Variants in NRXN3 observed in about 807,000 individuals in gnomAD.
NRXN3 encodes neurexin 3.
In NRXN3, 32 loss-of-function variants were observed where a neutral mutation model predicts 137.6. That is an observed-to-expected ratio of 0.23 (90% CI 0.18 to 0.31). NRXN3 has a LOEUF of 0.31. Ranked by LOEUF, NRXN3 falls within the 10% of genes least tolerant of loss-of-function variation. NRXN3 has a pLI of 1.00. For missense variants in NRXN3, 1,574 were observed against 2,062.5 expected (o/e 0.76, Z 4.59); for synonymous variants, 798 against 784.5 (o/e 1.02, Z -0.29).
chr14:78,989,957 T>G (rs2099515175), intron 15 of NRXN3, among the ~76,000 whole-genome samples: 1 of 152,334 alleles, frequency 6.6e-6, no homozygotes, highest in Middle Eastern at 3.4e-3. Flanking sequence ...GGCATTATTT[T>G]CTGGTAAAAA....
chr14:78,411,015 A>G (rs1326565206), intron 4 of NRXN3, among the ~76,000 whole-genome samples: 3 of 152,222 alleles, frequency 2.0e-5, no homozygotes, highest in Non-Finnish European at 2.9e-5. Context: ...TAGATTTCAT[A>G]ATCTGTAAAT....
At chr14:79,729,871 T>A (rs2098915454) in intron 19 of NRXN3, among the ~76,000 whole-genome samples, 1 of 152,148 alleles carries the variant, frequency 6.6e-6, no homozygotes, top group South Asian at 2.1e-4. Context: ...GTCAAGCTTG[T>A]CATCCTCCTC....
At chr14:79,710,146 A>AT (rs1030764524) in intron 19 of NRXN3, among the ~76,000 whole-genome samples, 224 of 151,664 alleles carry the variant, frequency 1.5e-3, no homozygotes, top group African/African-American at 5.2e-3. Context: ...GCGGCTTCTG[A>AT]TTTTTTTCCC....
rs2081022670 is a variant in NRXN3 at position 79,280,115 on chromosome 14, T to C, written c.3263-187106T>C. On this transcript the variant is annotated intron_variant, in intron 15 of 20. Coordinates refer to ENST00000335750, the MANE Select transcript of NRXN3 (RefSeq NM_001330195.2). ...GCCTTTTATCTTTTTTTTTTCTTTC[T>C]TTAAGTAGTAATTTTTTAACTGATT... The C allele has an allele frequency of 2.8e-6, 4 of 1,427,852 alleles. No individual in the cohort carries two copies. In the South Asian group the frequency reaches 6.5e-5, roughly 23 times the overall value. 88.4% of individuals were successfully genotyped at this position (1,427,852 alleles called of 1,614,324 possible). A position where few individuals can be genotyped will look rare whatever the true frequency, so the allele number is the denominator to read the frequency against.
chr14:78,322,817 A>G (rs943136631), intron 4 of NRXN3, among the ~76,000 whole-genome samples: 1 of 151,908 alleles, frequency 6.6e-6, no homozygotes, highest in Admixed American at 6.5e-5. Context: ...CATATCTTGA[A>G]GTTTAATTTG....
chr14:79,128,105 A>G (rs1209638910), intron 15 of NRXN3, among the ~76,000 whole-genome samples: 1 of 149,750 alleles, frequency 6.7e-6, no homozygotes, highest in Non-Finnish European at 1.5e-5. Flanking sequence ...CTAGATATAC[A>G]ATCATGTCAT....
chr14:79,548,432 C>G (rs1337342787), intron 16 of NRXN3, among the ~76,000 whole-genome samples: 1 of 152,162 alleles, frequency 6.6e-6, no homozygotes, highest in Non-Finnish European at 1.5e-5. Context: ...TTTATCCAGT[C>G]TATCATTGAT....
At chr14:79,118,230 CT>C (rs1477094323) in intron 15 of NRXN3, among the ~76,000 whole-genome samples, 1 of 151,036 alleles carries the variant, frequency 6.6e-6, no homozygotes, top group African/African-American at 2.4e-5. Context: ...GTGTCATTTT[CT>C]TTTAACAAAC....
At chr14:79,324,853 T>A (rs1459841543) in intron 15 of NRXN3, among the ~76,000 whole-genome samples, 1 of 152,212 alleles carries the variant, frequency 6.6e-6, no homozygotes, top group East Asian at 1.9e-4. Context: ...TATATTCATA[T>A]GTGTGTGTAT....
intron 19 of NRXN3, among the ~76,000 whole-genome samples, chr14:79,711,295 C>CCATT (rs1408928789): frequency 6.6e-6 from 1 of 152,076 alleles, no homozygotes; most frequent in Non-Finnish European, 1.5e-5. Flanking sequence ...CAGAGATGGG[C>CCATT]CATTCTGGTT....
intron 10 of NRXN3, among the ~76,000 whole-genome samples, chr14:78,829,639 A>G (rs1001263308): frequency 1.3e-5 from 2 of 152,146 alleles, no homozygotes; most frequent in Non-Finnish European, 2.9e-5. Flanking sequence ...ACTCAAGTTT[A>G]TTTTACAGAA....
At chr14:79,022,256 T>G (rs2099590961) in intron 15 of NRXN3, among the ~76,000 whole-genome samples, 1 of 152,166 alleles carries the variant, frequency 6.6e-6, no homozygotes, top group African/African-American at 2.4e-5. Context: ...TACTGCAAGC[T>G]TTTGGAAGAA....
intron 8 of NRXN3, among the ~76,000 whole-genome samples, chr14:78,779,429 A>G (rs981472687): frequency 6.6e-6 from 1 of 152,152 alleles, no homozygotes; most frequent in Non-Finnish European, 1.5e-5. Context: ...TTAGTAACAA[A>G]GCAAGAATGA....
chr14:79,242,499 C>G (rs1014567134), intron 15 of NRXN3, among the ~76,000 whole-genome samples: 1 of 152,146 alleles, frequency 6.6e-6, no homozygotes, highest in African/African-American at 2.4e-5. Context: ...TTTTAATTGG[C>G]TACCCTCTGG....
intron 10 of NRXN3, among the ~76,000 whole-genome samples, chr14:78,878,698 G>T (rs889439913): frequency 9.9e-5 from 15 of 151,958 alleles, no homozygotes; most frequent in African/African-American, 3.1e-4. Flanking sequence ...TGATTTTTTT[G>T]TTGTGAGAAC....
intron 4 of NRXN3, among the ~76,000 whole-genome samples, chr14:78,444,262 C>T (rs1567607955): frequency 6.6e-6 from 1 of 152,124 alleles, no homozygotes; most frequent in Non-Finnish European, 1.5e-5. Flanking sequence ...GATGAGGAAA[C>T]AGGCTTAGAG....
intron 8 of NRXN3, among the ~76,000 whole-genome samples, chr14:78,791,761 A>G (rs964542745): frequency 1.3e-5 from 2 of 152,202 alleles, no homozygotes; most frequent in Non-Finnish European, 2.9e-5. Context: ...ACAAAGCTTC[A>G]GGAATAAGAC....
intron 15 of NRXN3, among the ~76,000 whole-genome samples, chr14:78,998,894 T>C (rs112125711): frequency 0.018 from 2,776 of 151,850 alleles, 89 homozygotes; most frequent in African/African-American, 0.062. Context: ...GTACATTACT[T>C]TTTACTTCCA....
intron 16 of NRXN3, among the ~76,000 whole-genome samples, chr14:79,596,169 T>A (rs2097856848): frequency 6.6e-6 from 1 of 152,084 alleles, no homozygotes; most frequent in African/African-American, 2.4e-5. Flanking sequence ...TCCTCTCCTT[T>A]TTGAGCTGTA....
Sources: gnomAD v4.1 joint callset for allele counts (sites outside exome capture counted in the v4.1 genomes callset) on GRCh38, gnomAD v4.1.1 for gene constraint, MANE v1.5 for transcripts, NCBI Gene and HGNC (gene_info 2026-07-23, HGNC 2026-07-21) for gene names.